Variants in LRRC74B observed in about 807,000 individuals in gnomAD.
LRRC74B encodes the protein leucine-rich repeat-containing protein 74B.
Under a neutral mutation model 16.6 loss-of-function variants are expected in LRRC74B, and 30 were observed. The observed-to-expected ratio is 1.80, with a 90% CI of 1.35 to 2.45. LRRC74B has a LOEUF of 2.45. Ranked by LOEUF, LRRC74B falls within the 30% of genes most tolerant of loss-of-function variation. The probability of loss-of-function intolerance (pLI) is 0.00; values close to 1 mark genes in which losing one functional copy is unlikely to be tolerated. For missense variants in LRRC74B, 326 were observed against 202.4 expected (o/e 1.61, Z -3.71); for synonymous variants, 134 against 86.0 (o/e 1.56, Z -3.09).
At chr22:21,048,688 G>GC (rs1228537638) in intron 3 of LRRC74B, 6 of 491,144 alleles carry the variant, frequency 1.2e-5, no homozygotes, top group South Asian at 5.4e-5. Flanking sequence ...CGGTATAGCT[G>GC]CCCCCCACCA....
rs1337062143 is a variant in LRRC74B, at chr22:21,049,174, G to A, written c.622+17G>A. 9 of 708,488 alleles carry A rather than the reference G, an allele frequency of 1.3e-5. No individual in the cohort carries two copies. Among genetic ancestry groups the A allele is most frequent in the Non-Finnish European group, 2.4e-5 (9 of 378,660 alleles). The allele number at this position is 708,488 out of a possible 1,614,324, so 43.9% of individuals were successfully genotyped here. A position where few individuals can be genotyped will look rare whatever the true frequency, so the allele number is the denominator to read the frequency against. On this transcript the variant is annotated intron_variant, in intron 4 of 8. Coordinates refer to ENST00000442047, the Ensembl canonical transcript of LRRC74B. The stretch of plus-strand genomic sequence containing the variant: ...ACCAAGCAGGTAACGCCTGCGCAGG[G>A]CACCATGGCCATGAAAGCTCAGCTT...
At chr22:21,048,803 T>C (rs974537997) in intron 3 of LRRC74B, 148 bp from the exon 4 acceptor site, 3 of 608,102 alleles carry the variant, frequency 4.9e-6, no homozygotes, top group Non-Finnish European at 8.9e-6. Flanking sequence ...GACCCAGCCA[T>C]TGGGAGCCAG....
intron 1 of LRRC74B, among the ~76,000 whole-genome samples, chr22:21,047,060 T>G (rs1929505157): frequency 6.6e-6 from 1 of 150,958 alleles, no homozygotes; most frequent in Non-Finnish European, 1.5e-5. Context: ...GCCACTGCAT[T>G]CCAGCCTGGG....
chr22:21,061,386 G>A (rs1343033236), downstream of LRRC74B, among the ~76,000 whole-genome samples: 1 of 151,864 alleles, frequency 6.6e-6, no homozygotes, highest in African/African-American at 2.4e-5. Context: ...CCCCAATAAC[G>A]GGATTGGCCA....
rs557563130 is a variant in LRRC74B at position 21,049,939 on chromosome 22, G to C, written c.622+782G>C. Among the ~76,000 whole-genome samples, 9 of 152,290 alleles carry C rather than the reference G, an allele frequency of 5.9e-5. No individual in the cohort carries two copies. The South Asian group carries it at 1.7e-3, about 28-fold the overall frequency. ...TGGTAAGGATCACCTGAGACCCTGG[G>C]TTAGGCATGCAGATGCTGACCCTGG... On this transcript the variant is annotated intron_variant, in intron 4 of 8. Coordinates refer to ENST00000442047, the Ensembl canonical transcript of LRRC74B.
At chr22:21,056,733 C>G (rs1177203737) in intron 7 of LRRC74B, 2 of 246,108 alleles carry the variant, frequency 8.1e-6, no homozygotes, top group Non-Finnish European at 1.6e-5. Flanking sequence ...CCGCTGAGCC[C>G]TGCCCAGATA....
chr22:21,048,134 G>T, intron 3 of LRRC74B, 118 bp downstream of exon 3: 1 of 682,678 alleles, frequency 1.5e-6, no homozygotes, highest in Non-Finnish European at 2.7e-6. Flanking sequence ...CTGGTGGATA[G>T]AAGAGGGGCC....
chr22:21,047,568 C>A, intron 2 of LRRC74B, 70 bp downstream of exon 2: 1 of 692,698 alleles, frequency 1.4e-6, no homozygotes, highest in Non-Finnish European at 2.7e-6. Context: ...CATGGGAGTG[C>A]CCCTGTGTCT....
intron 8 of LRRC74B, among the ~76,000 whole-genome samples, chr22:21,057,445 G>C (rs1016222149): frequency 2.6e-5 from 4 of 151,808 alleles, no homozygotes; most frequent in African/African-American, 9.7e-5. Context: ...TTGGCTGAGA[G>C]AGGATAAGTG....
intron 7 of LRRC74B, chr22:21,056,880 T>TTGTG (rs1930562134): frequency 3.7e-6 from 2 of 534,292 alleles, no homozygotes; most frequent in African/African-American, 1.9e-5. Context: ...AGGGTGTGTC[T>TTGTG]TGTGTGTCTA....
downstream of LRRC74B, chr22:21,062,750 C>T (rs1390762309): frequency 6.8e-6 from 1 of 147,348 alleles, no homozygotes; most frequent in Non-Finnish European, 1.5e-5. Context: ...GAATCAGGCT[C>T]AGCGCACTGG....
chr22:21,053,332 C>A, intron 5 of LRRC74B, 28 bp from the exon 6 acceptor site: 1 of 714,226 alleles, frequency 1.4e-6, no homozygotes, highest in South Asian at 1.5e-5. Context: ...CAGATGGGGT[C>A]CCATGACTTC....
chr22:21,061,277 C>T (rs569555564), downstream of LRRC74B, among the ~76,000 whole-genome samples: 1 of 151,866 alleles, frequency 6.6e-6, no homozygotes, highest in Admixed American at 6.6e-5. Context: ...CAGTTCTCAC[C>T]ATTGCACTCT....
chr22:21,057,032 C>T (rs1477927968), intron 7 of LRRC74B, 73 bp from the exon 8 acceptor site: 15 of 700,772 alleles, frequency 2.1e-5, no homozygotes, highest in Middle Eastern at 3.3e-4. Flanking sequence ...TGAGGAGCCC[C>T]TCCTTCCCTT....
intron 1 of LRRC74B, 118 bp downstream of exon 1, chr22:21,046,243 T>G: frequency 1.6e-6 from 1 of 616,710 alleles, no homozygotes. Context: ...GCGGGGCGCC[T>G]CCAGCCCCCT....
At chr22:21,046,245 C>A (rs1384531883) in intron 1 of LRRC74B, 120 bp downstream of exon 1, 7 of 616,074 alleles carry the variant, frequency 1.1e-5, no homozygotes, top group Non-Finnish European at 2.0e-5. Flanking sequence ...GGGGCGCCTC[C>A]AGCCCCCTGC....
At chr22:21,049,269 C>T (rs1475564287) in intron 4 of LRRC74B, 112 bp downstream of exon 4, 1 of 606,536 alleles carries the variant, frequency 1.6e-6, no homozygotes, top group African/African-American at 1.9e-5. Context: ...TGCTCTGGTT[C>T]CTGCTCCCCA....
In LRRC74B at chr22:21,055,189, C is replaced by T. The variant is rs1244808726; in HGVS notation, c.927+13C>T. The T allele has an allele frequency of 1.4e-6, 1 of 713,194 alleles. No homozygotes were observed. The allele number at this position is 713,194 out of a possible 1,614,324, so 44.2% of individuals were successfully genotyped here. A position where few individuals can be genotyped will look rare whatever the true frequency, so the allele number is the denominator to read the frequency against. On this transcript the variant is annotated intron_variant, in intron 7 of 8. Transcript: ENST00000442047. ...GAGGATTCTTGTAGTGAGTGCTAGC[C>T]TGATGACTGAGACACCAGCACAGAC...
downstream of LRRC74B, chr22:21,061,775 G>A (rs532878055): frequency 2.4e-4 from 37 of 152,126 alleles, no homozygotes; most frequent in East Asian, 2.7e-3. Flanking sequence ...ACTCGTGCAT[G>A]AATATCCATA....
Sources: gnomAD v4.1 joint callset for allele counts (sites outside exome capture counted in the v4.1 genomes callset) on GRCh38, gnomAD v4.1.1 for gene constraint, MANE v1.5 for transcripts, NCBI Gene and HGNC (gene_info 2026-07-23, HGNC 2026-07-21) for gene names.